Variants in UBE2D3 observed in about 807,000 individuals in gnomAD.
UBE2D3 encodes ubiquitin conjugating enzyme E2 D3, also known as ubiquitin-conjugating enzyme E2 D3.
In UBE2D3, 2 loss-of-function variants were observed where a neutral mutation model predicts 22.8. The observed-to-expected ratio is 0.09, with a 90% CI of 0.04 to 0.28. The LOEUF (loss-of-function observed/expected upper bound fraction) is 0.28. Ranked by LOEUF, UBE2D3 falls within the 10% of genes least tolerant of loss-of-function variation. The probability of loss-of-function intolerance (pLI) is 1.00; values close to 1 mark genes in which losing one functional copy is unlikely to be tolerated. For synonymous variants in UBE2D3, 56 were observed against 60.4 expected (o/e 0.93, Z 0.34); for missense variants, 27 against 182.5 (o/e 0.15, Z 4.91).
Position 102,797,734 on chromosome 4 carries a change from TTTC to T in UBE2D3, c.399-277_399-275del, listed in dbSNP as rs1725427538. ...CTAACAAAAATCAAAAGACCCTTTCTTTCTCTACCACCGAGCTCATGCTCTAAT... is the reference window on the plus strand; with the variant it reads ...CTAACAAAAATCAAAAGACCCTTTCTTCTACCACCGAGCTCATGCTCTAAT... On this transcript the variant is annotated intron_variant, in intron 7 of 7. Transcript: ENST00000453744. Among the ~76,000 whole-genome samples the T allele has an allele frequency of 3.3e-5, 5 of 152,144 alleles. No homozygotes were observed. In the South Asian group the frequency reaches 6.2e-4, roughly 19 times the overall value.
chr4:102,845,516 C>T (rs1731999213), intron 1 of UBE2D3, among the ~76,000 whole-genome samples: 1 of 152,176 alleles, frequency 6.6e-6, no homozygotes. Flanking sequence ...TGCATTGCCC[C>T]TTTCGTCAAA....
At chr4:102,799,968 T>C (rs985403107) in intron 6 of UBE2D3, among the ~76,000 whole-genome samples, 3 of 151,958 alleles carry the variant, frequency 2.0e-5, no homozygotes, top group Non-Finnish European at 4.4e-5. Context: ...CTCCACTAAA[T>C]GTCTCCTTGA....
chr4:102,806,873 G>T (rs769485958), intron 4 of UBE2D3, among the ~76,000 whole-genome samples: 3 of 151,856 alleles, frequency 2.0e-5, no homozygotes, highest in Non-Finnish European at 4.4e-5. Context: ...CAAAAAACTA[G>T]CAATGCTGTC....
chr4:102,822,249 TACTG>T (rs1377626599), intron 2 of UBE2D3, among the ~76,000 whole-genome samples: 2 of 152,208 alleles, frequency 1.3e-5, no homozygotes, highest in African/African-American at 4.8e-5. Flanking sequence ...ATTAAACAAA[TACTG>T]AGGTCCTATT....
intron 1 of UBE2D3, chr4:102,827,186 C>T: frequency 1.0e-6 from 1 of 986,920 alleles, no homozygotes. Context: ...GCGCGCCCGC[C>T]CAGCCACCTC....
chr4:102,857,547 A>G lies in UBE2D3; in HGVS notation c.-129+11168T>C, dbSNP rs191159767. Reference sequence around the variant, plus strand: ...TGTGGCTGAAAAGATGCTAATAGCCATAACATGTTGAATATGTTGTTTCTT... The same window carrying G: ...TGTGGCTGAAAAGATGCTAATAGCCGTAACATGTTGAATATGTTGTTTCTT... On this transcript the variant is annotated intron_variant, in intron 1 of 7. Transcript: ENST00000338145. 6.6e-5 allele frequency among the ~76,000 whole-genome samples: 10 copies of G among 152,380 alleles called. No individual in the cohort carries two copies. The East Asian group carries it at 1.9e-3, about 29-fold the overall frequency.
intron 2 of UBE2D3, 152 bp from the exon 3 acceptor site, chr4:102,810,007 A>G (rs370441411): frequency 1.4e-6 from 1 of 693,976 alleles, no homozygotes; most frequent in Non-Finnish European, 2.4e-6. Flanking sequence ...GAGAGAGAAC[A>G]TGCCTGAACA....
At position 102,795,347 on chromosome 4, in the gene UBE2D3, C is replaced by T. The variant is rs189785133; in HGVS notation, c.*2068G>A. ...GTTTGGCTTTCAAGAAGTGATATGC[C>T]TACTAAAGCTGTTATTTTGAGACTA... On this transcript the variant is annotated 3_prime_UTR_variant, in exon 8 of 8. Transcript: ENST00000453744. 7 of 152,160 alleles carry T rather than the reference C, an allele frequency of 4.6e-5. No homozygotes were observed. The highest frequency in any genetic ancestry group is 1.7e-4 in the African/African-American group (7 of 41,548). The allele number at this position is 152,160 out of a possible 1,614,324, so 9.4% of individuals were successfully genotyped here.
intron 1 of UBE2D3, among the ~76,000 whole-genome samples, chr4:102,858,841 C>T (rs965655738): frequency 2.0e-5 from 3 of 151,886 alleles, no homozygotes; most frequent in African/African-American, 7.2e-5. Context: ...TTATCGATGT[C>T]AAAATTTACA....
chr4:102,827,995 G>A, upstream of UBE2D3: 1 of 985,486 alleles, frequency 1.0e-6, no homozygotes, highest in Non-Finnish European at 1.2e-6. Context: ...GCTAACCGAA[G>A]CGGTAGCTCT....
At chr4:102,823,942 T>G (rs571857461) in intron 2 of UBE2D3, among the ~76,000 whole-genome samples, 17 of 152,300 alleles carry the variant, frequency 1.1e-4, no homozygotes, top group Middle Eastern at 3.4e-3. Context: ...AATAGGTACG[T>G]AACACAAGCA....
At chr4:102,834,442 C>G (rs1268298821) in intron 1 of UBE2D3, among the ~76,000 whole-genome samples, 1 of 151,964 alleles carries the variant, frequency 6.6e-6, no homozygotes, top group African/African-American at 2.4e-5. Flanking sequence ...AAATTAGACC[C>G]AATAGAAAAA....
At chr4:102,836,668 T>G (rs1312792192) in intron 1 of UBE2D3, among the ~76,000 whole-genome samples, 2 of 152,234 alleles carry the variant, frequency 1.3e-5, no homozygotes, top group Non-Finnish European at 1.5e-5. Flanking sequence ...TTCCAATTTC[T>G]CCTGACTGGT....
In UBE2D3 at chr4:102,808,320, A is replaced by T. The variant is rs1727386287; in HGVS notation, c.120+1352T>A. On this transcript the variant is annotated intron_variant, in intron 4 of 7. Transcript: ENST00000453744. ...TGTGGGCCAAACTGGGTAACTCAAC[A>T]TTTAACTGCGTGTATTAAAATTAAA... Among the ~76,000 whole-genome samples, 5 of 152,344 alleles carry T rather than the reference A, an allele frequency of 3.3e-5. No individual in the cohort carries two copies. The South Asian group carries it at 1.0e-3, about 32-fold the overall frequency.
At chr4:102,819,616 TCCC>T (rs1729273919) in intron 2 of UBE2D3, 2 of 985,222 alleles carry the variant, frequency 2.0e-6, no homozygotes, top group Middle Eastern at 5.2e-4. Context: ...CTAGGTTTCA[TCCC>T]CCCAAGGCTT....
At chr4:102,821,910 T>C (rs1729682291) in intron 2 of UBE2D3, among the ~76,000 whole-genome samples, 1 of 152,212 alleles carries the variant, frequency 6.6e-6, no homozygotes, top group African/African-American at 2.4e-5. Context: ...AAAACTGCTA[T>C]TTAAAAAAAG....
intron 4 of UBE2D3, among the ~76,000 whole-genome samples, chr4:102,808,267 TG>T (rs1338591809): frequency 8.5e-5 from 13 of 152,324 alleles, no homozygotes; most frequent in African/African-American, 3.1e-4. Context: ...GGCTTTTATT[TG>T]AAGACTGCCA....
At chr4:102,860,211 T>A (rs114594793) in intron 1 of UBE2D3, among the ~76,000 whole-genome samples, 1,564 of 150,636 alleles carry the variant, frequency 0.01, 38 homozygotes, top group African/African-American at 0.035. Context: ...GTTTTCCTGA[T>A]TTCGTTTAGC....
chr4:102,826,150 C>T (rs1308191931), intron 2 of UBE2D3, among the ~76,000 whole-genome samples: 2 of 151,970 alleles, frequency 1.3e-5, no homozygotes, highest in Non-Finnish European at 2.9e-5. Flanking sequence ...TCTGCTGGAG[C>T]GTCTCTCCGC....
Sources: gnomAD v4.1 joint callset for allele counts (sites outside exome capture counted in the v4.1 genomes callset) on GRCh38, gnomAD v4.1.1 for gene constraint, MANE v1.5 for transcripts, NCBI Gene and HGNC (gene_info 2026-07-23, HGNC 2026-07-21) for gene names.